Variants in TG observed in about 807,000 individuals in gnomAD.
TG encodes the protein thyroid hormones.
Under a neutral mutation model 324.7 loss-of-function variants are expected in TG, and 270 were observed. The ratio of observed to expected loss-of-function variants is 0.83; its 90% CI spans 0.75 to 0.92. TG has a LOEUF of 0.92. Among genes scored for constraint, TG ranks in the 40% least tolerant of loss-of-function variants. The probability of loss-of-function intolerance (pLI) is 0.00; values close to 1 mark genes in which losing one functional copy is unlikely to be tolerated. For synonymous variants in TG, 1,401 were observed against 1,327.0 expected, an observed-to-expected ratio of 1.06 and a Z score of -1.21; for missense variants, 3,591 against 3,456.4, an observed-to-expected ratio of 1.04 and a Z score of -0.98.
chr8:132,971,390 C>G (rs1388559700), intron 32 of TG, among the ~76,000 whole-genome samples: 2 of 152,190 alleles, frequency 1.3e-5, no homozygotes, highest in East Asian at 3.9e-4. Flanking sequence ...ATGGACTCTC[C>G]TCTTTCTAGA....
chr8:133,086,121 A>G (rs1224439952), intron 41 of TG, among the ~76,000 whole-genome samples: 1 of 152,240 alleles, frequency 6.6e-6, no homozygotes, highest in Non-Finnish European at 1.5e-5. Context: ...ATATTCTATG[A>G]TTCCATTTAT....
chr8:133,092,717 T>C (rs1291376500), intron 41 of TG, among the ~76,000 whole-genome samples: 3 of 151,940 alleles, frequency 2.0e-5, no homozygotes. Context: ...AATCCCATGC[T>C]CTCTACACAC....
chr8:133,057,090 C>T (rs945496957), intron 41 of TG, among the ~76,000 whole-genome samples: 7 of 152,070 alleles, frequency 4.6e-5, no homozygotes, highest in South Asian at 2.1e-4. Flanking sequence ...GAGCCCCACC[C>T]GCCCCCTTCT....
At chr8:133,128,337 G>GCGCACA (rs1491579989) in intron 45 of TG, among the ~76,000 whole-genome samples, 2 of 133,728 alleles carry the variant, frequency 1.5e-5, no homozygotes, top group Admixed American at 7.8e-5. Flanking sequence ...CAAAAGGCGT[G>GCGCACA]CACACACACA....
At chr8:133,083,966 C>T (rs1846121684) in intron 41 of TG, among the ~76,000 whole-genome samples, 1 of 152,206 alleles carries the variant, frequency 6.6e-6, no homozygotes, top group South Asian at 2.1e-4. Context: ...CCTCCTGTGG[C>T]ACTGTCCTCT....
chr8:132,906,848 C>T lies in TG; in HGVS notation c.3795C>T (p.Ser1265=), dbSNP rs375533716. ...TTCCACCAGGGCCATTGATATGTAG[C>T]CTGGAGAGCGGACGCTGGGAGTCAC... is the stretch of plus-strand genomic sequence containing the variant. ...SVFPPGPLIC[S]LESGRWESQL... The change falls in exon 17 of 48, where the codon AGC becomes AGT. Residue 1265 remains serine (S), a synonymous_variant. Coordinates refer to ENST00000220616, the MANE Select transcript of TG (RefSeq NM_003235.5). 6 of 1,613,944 alleles carry T rather than the reference C, an allele frequency of 3.7e-6. No homozygotes were observed. In the Admixed American group the frequency reaches 1.0e-4, roughly 27 times the overall value.
chr8:132,893,213 G>A (rs1180990684), intron 10 of TG, among the ~76,000 whole-genome samples: 3 of 146,690 alleles, frequency 2.0e-5, no homozygotes, highest in Non-Finnish European at 4.5e-5. Flanking sequence ...GTGTATGTGT[G>A]TGTGGTGTGT....
At chr8:132,913,561 T>C (rs1218700672) in intron 20 of TG, among the ~76,000 whole-genome samples, 1 of 152,168 alleles carries the variant, frequency 6.6e-6, no homozygotes, top group Non-Finnish European at 1.5e-5. Context: ...TACATTTGTA[T>C]CCTGGGCGCA....
chr8:133,127,199 C>G (rs28405864), intron 45 of TG, among the ~76,000 whole-genome samples: 2,569 of 152,312 alleles, frequency 0.017, 70 homozygotes, highest in African/African-American at 0.059. Context: ...CTCCCCAGCT[C>G]CATCCACTGC....
rs557007267 is a variant in TG at position 132,963,731 on chromosome 8, T to C, written c.5548+657T>C. 1.3e-3 allele frequency among the ~76,000 whole-genome samples: 186 copies of C among 145,296 alleles called. 1 individual carries two copies. Among genetic ancestry groups the C allele is most frequent in the Non-Finnish European group, 8.2e-4 (55 of 66,826 alleles). On this transcript the variant is annotated intron_variant, in intron 29 of 47. Coordinates refer to ENST00000220616, the MANE Select transcript of TG (RefSeq NM_003235.5). ...TGCATGCATGGACGCACTGTAGGAA[T>C]AGGAGTAGGAGCAGAAGGAAAGAAG... is the stretch of plus-strand genomic sequence containing the variant.
intron 45 of TG, among the ~76,000 whole-genome samples, chr8:133,123,032 A>G (rs964550462): frequency 6.6e-6 from 1 of 151,698 alleles, no homozygotes; most frequent in South Asian, 2.1e-4. Flanking sequence ...GTTTAGAAGC[A>G]CCCCTGCCTT....
intron 35 of TG, among the ~76,000 whole-genome samples, chr8:133,007,491 A>T (rs1481790654): frequency 6.6e-6 from 1 of 152,108 alleles, no homozygotes; most frequent in Non-Finnish European, 1.5e-5. Flanking sequence ...CAAAAACTAG[A>T]ATTAGACCAG....
chr8:132,943,779 T>A (rs1017844898), intron 26 of TG, among the ~76,000 whole-genome samples: 17 of 152,194 alleles, frequency 1.1e-4, no homozygotes, highest in Admixed American at 2.0e-4. Flanking sequence ...CAGGGGCATC[T>A]TCTGATCCTC....
intron 14 of TG, 68 bp from the exon 15 acceptor site, chr8:132,900,169 G>T: frequency 7.2e-7 from 1 of 1,379,502 alleles, no homozygotes. Flanking sequence ...TTTGACATCT[G>T]CCAGCAGCAG....
chr8:132,979,907 C>T (rs935910228), intron 34 of TG, among the ~76,000 whole-genome samples: 1 of 152,180 alleles, frequency 6.6e-6, no homozygotes, highest in Non-Finnish European at 1.5e-5. Context: ...ATCACAAGCC[C>T]TGAGCCTCCT....
chr8:133,077,605 C>T lies in TG; in HGVS notation c.7240-17439C>T, dbSNP rs144390946. On this transcript the variant is annotated intron_variant, in intron 41 of 47. Transcript: ENST00000220616. ...TTTTGGCCCTGGGCCCAACCAGAGACGGCAGGGCTGAAGCCCGATGCCACG... is the reference window on the plus strand; with the variant it reads ...TTTTGGCCCTGGGCCCAACCAGAGATGGCAGGGCTGAAGCCCGATGCCACG... Among the ~76,000 whole-genome samples, 380 of 152,336 alleles carry T rather than the reference C, an allele frequency of 2.5e-3. 1 individual carries two copies. Among genetic ancestry groups the T allele is most frequent in the African/African-American group, 8.6e-3 (359 of 41,582 alleles).
intron 20 of TG, among the ~76,000 whole-genome samples, chr8:132,919,170 C>T (rs529317880): frequency 1.3e-5 from 2 of 152,176 alleles, no homozygotes; most frequent in African/African-American, 4.8e-5. Flanking sequence ...CATGTCACTT[C>T]CCGGACAGCA....
At chr8:132,899,327 G>C (rs1001935245) in intron 14 of TG, among the ~76,000 whole-genome samples, 3 of 152,196 alleles carry the variant, frequency 2.0e-5, no homozygotes, top group African/African-American at 7.2e-5. Flanking sequence ...AGCTCCCGGG[G>C]TGATTGTAAC....
chr8:133,100,469 C>T (rs1849072465), intron 43 of TG, among the ~76,000 whole-genome samples: 1 of 152,202 alleles, frequency 6.6e-6, no homozygotes, highest in African/African-American at 2.4e-5. Context: ...AGCAGGCACA[C>T]AATAGACATT....
Sources: gnomAD v4.1 joint callset for allele counts (sites outside exome capture counted in the v4.1 genomes callset) on GRCh38, gnomAD v4.1.1 for gene constraint, MANE v1.5 for transcripts, NCBI Gene and HGNC (gene_info 2026-07-23, HGNC 2026-07-21) for gene names.